TPO: variants seen among roughly 807,000 people sequenced by gnomAD.
TPO encodes thyroid microsomal antigen.
A neutral mutation model predicts 96.9 loss-of-function variants in TPO; 78 were observed. The observed-to-expected ratio is 0.81, with a 90% CI of 0.67 to 0.97. The LOEUF is 0.97. TPO is among the 50% of genes least tolerant of loss of function. TPO has a pLI of 0.00. For missense variants in TPO, 1,252 were observed against 1,274.8 expected, an observed-to-expected ratio of 0.98 and a Z score of 0.27; for synonymous variants, 547 against 538.0, an observed-to-expected ratio of 1.02 and a Z score of -0.23.
chr2:1,434,950 T>C (rs1169839236), intron 4 of TPO, among the ~76,000 whole-genome samples: 1 of 152,140 alleles, frequency 6.6e-6, no homozygotes, highest in Non-Finnish European at 1.5e-5. Context: ...TTTTTTTTTG[T>C]TGAGATGAAG....
chr2:1,471,542 A>G (rs918827118), intron 7 of TPO, among the ~76,000 whole-genome samples: 4 of 152,174 alleles, frequency 2.6e-5, no homozygotes, highest in South Asian at 2.1e-4. Flanking sequence ...GAGCACCCAC[A>G]TGTAAGTGTA....
chr2:1,515,041 C>T (rs565742808), intron 14 of TPO, among the ~76,000 whole-genome samples: 64 of 152,290 alleles, frequency 4.2e-4, no homozygotes, highest in Non-Finnish European at 6.6e-4. Flanking sequence ...CCAAGTTTCT[C>T]AGAACCAAAT....
At chr2:1,490,417 G>A (rs1400201271) in intron 10 of TPO, among the ~76,000 whole-genome samples, 25 of 107,808 alleles carry the variant, frequency 2.3e-4, no homozygotes, top group African/African-American at 8.8e-4. Context: ...GAGCCGCCAC[G>A]AGGGTCCCAC....
chr2:1,419,233 C>T (rs547624276), intron 2 of TPO, among the ~76,000 whole-genome samples: 11 of 152,098 alleles, frequency 7.2e-5, no homozygotes, highest in African/African-American at 1.2e-4. Flanking sequence ...AATTAAGTCC[C>T]GTGACTCCCT....
rs577822703 is a variant in TPO at position 1,541,291 on chromosome 2, G to T, written c.2748+568G>T. On this transcript the variant is annotated intron_variant, in intron 16 of 16. Transcript: ENST00000329066. ...TCTCAGGCAGGAGGAGGGCGCCTCA[G>T]GTCTGCTGCACGGCATGGGGCGCAC... 1.8e-5 allele frequency: 14 copies of T among 766,224 alleles called. No homozygotes were observed. In the African/African-American group the frequency reaches 2.4e-4, roughly 13 times the overall value. 47.5% of individuals were successfully genotyped at this position (766,224 alleles called of 1,614,324 possible).
upstream of TPO, among the ~76,000 whole-genome samples, chr2:1,408,624 T>C (rs867678593): frequency 1.3e-5 from 2 of 152,316 alleles, no homozygotes; most frequent in South Asian, 2.1e-4. Context: ...GTGCAGTCAC[T>C]CTGCCTGCAA....
chr2:1,389,961 G>A (rs972867685), intron 1 of TPO, among the ~76,000 whole-genome samples: 24 of 150,536 alleles, frequency 1.6e-4, no homozygotes, highest in African/African-American at 5.9e-4. Flanking sequence ...ACCACGCCTG[G>A]TTTTTTACTG....
At chr2:1,504,255 A>T (rs2125002770) in intron 14 of TPO, among the ~76,000 whole-genome samples, 176 bp downstream of exon 14, 1 of 152,308 alleles carries the variant, frequency 6.6e-6, no homozygotes, top group Admixed American at 6.5e-5. Flanking sequence ...GGGGCAGAGG[A>T]TGCACTTCGT....
intron 1 of TPO, among the ~76,000 whole-genome samples, chr2:1,401,923 G>A (rs550067829): frequency 3.9e-5 from 6 of 152,296 alleles, no homozygotes; most frequent in East Asian, 1.9e-4. Flanking sequence ...TGAGTGCCGC[G>A]AGCCAGCCAT....
At chr2:1,479,792 CTTTTT>C (rs60629249) in intron 8 of TPO, among the ~76,000 whole-genome samples, 24 of 150,258 alleles carry the variant, frequency 1.6e-4, no homozygotes, top group African/African-American at 5.6e-4. Flanking sequence ...CCTTCTTCTT[CTTTTT>C]TTTTGAGACA....
At chr2:1,532,740 A>C (rs1573618266) in intron 15 of TPO, among the ~76,000 whole-genome samples, 1 of 1,596 alleles carries the variant, frequency 6.3e-4, no homozygotes, top group Non-Finnish European at 9.5e-4. Flanking sequence ...AAATCCCCCC[A>C]CTGTGTGCAA....
intron 15 of TPO, among the ~76,000 whole-genome samples, chr2:1,539,064 C>T (rs965890176): frequency 1.3e-5 from 2 of 152,100 alleles, no homozygotes; most frequent in African/African-American, 4.8e-5. Flanking sequence ...TAGACTCACC[C>T]TAACTAATTA....
chr2:1,393,350 G>C (rs970873452), intron 1 of TPO, among the ~76,000 whole-genome samples: 18 of 152,204 alleles, frequency 1.2e-4, no homozygotes, highest in African/African-American at 4.1e-4. Flanking sequence ...GGCCCACCAG[G>C]CCCCTCTTCC....
At chr2:1,389,077 GA>G (rs936935192) in intron 1 of TPO, among the ~76,000 whole-genome samples, 5 of 152,022 alleles carry the variant, frequency 3.3e-5, no homozygotes, top group African/African-American at 9.7e-5. Flanking sequence ...ATCTCTGGGG[GA>G]AAAACAACTG....
intron 14 of TPO, among the ~76,000 whole-genome samples, chr2:1,511,777 A>G (rs991834645): frequency 1.3e-5 from 2 of 151,972 alleles, no homozygotes; most frequent in Non-Finnish European, 2.9e-5. Flanking sequence ...TACCTCCTCA[A>G]ATGCTCCATC....
At chr2:1,438,417 C>G (rs954575501) in intron 5 of TPO, among the ~76,000 whole-genome samples, 1 of 152,166 alleles carries the variant, frequency 6.6e-6, no homozygotes, top group Non-Finnish European at 1.5e-5. Context: ...CAGAGGGGTC[C>G]GTGATGGAGC....
chr2:1,459,298 G>C (rs1054389599), intron 7 of TPO, among the ~76,000 whole-genome samples: 1 of 151,910 alleles, frequency 6.6e-6, no homozygotes, highest in African/African-American at 2.4e-5. Context: ...ACTACAGGCA[G>C]GTGCCACCAC....
At chr2:1,499,361 A>C (rs553282184) in intron 13 of TPO, among the ~76,000 whole-genome samples, 2 of 152,194 alleles carry the variant, frequency 1.3e-5, no homozygotes, top group Admixed American at 1.3e-4. Context: ...CTGTTCTTGA[A>C]ATTTTTTCAT....
At chr2:1,514,825 TC>T (rs1674515988) in intron 14 of TPO, among the ~76,000 whole-genome samples, 1 of 152,144 alleles carries the variant, frequency 6.6e-6, no homozygotes, top group South Asian at 2.1e-4. Flanking sequence ...CATCTGGCCT[TC>T]CCCCTGCCCA....
Sources: gnomAD v4.1 joint callset for allele counts (sites outside exome capture counted in the v4.1 genomes callset) on GRCh38, gnomAD v4.1.1 for gene constraint, MANE v1.5 for transcripts, NCBI Gene and HGNC (gene_info 2026-07-23, HGNC 2026-07-21) for gene names.